Variants in ARHGEF38 observed in about 807,000 individuals in gnomAD.
ARHGEF38 encodes the protein Rho guanine nucleotide exchange factor 38.
In ARHGEF38, 79 loss-of-function variants were observed where a neutral mutation model predicts 79.9. That is an observed-to-expected ratio of 0.99 (90% CI 0.82 to 1.19). The LOEUF is 1.19. Among genes scored for constraint, ARHGEF38 ranks in the 50% most tolerant of loss-of-function variants. ARHGEF38 has a pLI of 0.00. For missense variants in ARHGEF38, 962 were observed against 907.2 expected (o/e 1.06, Z -0.78); for synonymous variants, 366 against 328.3 (o/e 1.11, Z -1.24).
chr4:105,599,411 A>G (rs2110473058), intron 2 of ARHGEF38, among the ~76,000 whole-genome samples: 1 of 152,292 alleles, frequency 6.6e-6, no homozygotes, highest in Non-Finnish European at 1.5e-5. Flanking sequence ...CCCAGAATTG[A>G]AAAACATAGA....
At chr4:105,674,608 G>A (rs1731057816) in intron 13 of ARHGEF38, among the ~76,000 whole-genome samples, 1 of 151,930 alleles carries the variant, frequency 6.6e-6, no homozygotes, top group African/African-American at 2.4e-5. Context: ...TTTAAAAGCA[G>A]CTTACTTCCA....
chr4:105,613,566 T>G, intron 3 of ARHGEF38, 59 bp downstream of exon 3: 1 of 1,583,206 alleles, frequency 6.3e-7, no homozygotes, highest in Non-Finnish European at 8.6e-7. Flanking sequence ...TTTAATAACC[T>G]CCCTTTGCTT....
At chr4:105,665,596 T>C (rs918238586) in intron 10 of ARHGEF38, among the ~76,000 whole-genome samples, 1 of 152,050 alleles carries the variant, frequency 6.6e-6, no homozygotes, top group Admixed American at 6.5e-5. Context: ...CTACCATGCC[T>C]GGCTAAGATT....
In ARHGEF38 at chr4:105,679,836, G is replaced by A; in HGVS notation, c.*1899G>A. ...AGATGGATATAGGACTCAATATCCT[G>A]AGGAGGAGAACTTTGAATCACCAGG... On this transcript the variant is annotated 3_prime_UTR_variant, in exon 14 of 14. Coordinates refer to ENST00000420470, the MANE Select transcript of ARHGEF38 (RefSeq NM_001242729.2). 1 of 1,358,928 alleles carries A rather than the reference G, an allele frequency of 7.4e-7. No individual in the cohort carries two copies. Among genetic ancestry groups the A allele is most frequent in the Non-Finnish European group, 1.0e-6 (1 of 953,050 alleles). 84.2% of individuals were successfully genotyped at this position (1,358,928 alleles called of 1,614,324 possible). A position where few individuals can be genotyped will look rare whatever the true frequency, so the allele number is the denominator to read the frequency against.
intron 2 of ARHGEF38, among the ~76,000 whole-genome samples, chr4:105,597,626 CTG>C (rs1428902593): frequency 6.6e-6 from 1 of 152,146 alleles, no homozygotes; most frequent in African/African-American, 2.4e-5. Flanking sequence ...TGAAATTGCC[CTG>C]AACTCAGTGG....
At chr4:105,669,951 G>T (rs1320192419) in intron 13 of ARHGEF38, among the ~76,000 whole-genome samples, 1 of 152,028 alleles carries the variant, frequency 6.6e-6, no homozygotes, top group Non-Finnish European at 1.5e-5. Flanking sequence ...AGTCTTTCAT[G>T]TTGTAGTATG....
intron 3 of ARHGEF38, among the ~76,000 whole-genome samples, chr4:105,619,209 G>A (rs1459033174): frequency 2.6e-5 from 4 of 151,710 alleles, no homozygotes; most frequent in African/African-American, 9.7e-5. Context: ...GACTTGCTTT[G>A]ATCAATGAAA....
At chr4:105,607,151 C>T (rs1171192323) in intron 2 of ARHGEF38, among the ~76,000 whole-genome samples, 2 of 152,048 alleles carry the variant, frequency 1.3e-5, no homozygotes, top group East Asian at 1.9e-4. Context: ...ACAGGCATGT[C>T]GCAGGTGTAA....
At chr4:105,646,838 T>A (rs1015747914) in intron 6 of ARHGEF38, among the ~76,000 whole-genome samples, 7 of 146,312 alleles carry the variant, frequency 4.8e-5, no homozygotes, top group Non-Finnish European at 1.0e-4. Context: ...GAGGGTTTTT[T>A]TTTTAAAGTA....
At chr4:105,580,406 T>A (rs1047020610) in intron 1 of ARHGEF38, among the ~76,000 whole-genome samples, 6 of 152,232 alleles carry the variant, frequency 3.9e-5, no homozygotes, top group African/African-American at 1.2e-4. Context: ...GAGATTCTGG[T>A]ATGTTGCGTC....
At chr4:105,667,941 C>A (rs1215862039) in intron 13 of ARHGEF38, among the ~76,000 whole-genome samples, 1 of 152,158 alleles carries the variant, frequency 6.6e-6, no homozygotes, top group Non-Finnish European at 1.5e-5. Flanking sequence ...ACAAAGTAGA[C>A]ACACAATAAA....
intron 3 of ARHGEF38, among the ~76,000 whole-genome samples, chr4:105,622,631 C>T (rs1271364547): frequency 6.6e-6 from 1 of 152,192 alleles, no homozygotes; most frequent in Non-Finnish European, 1.5e-5. Flanking sequence ...ATCCGTAACT[C>T]ACAAGTCCAG....
At chr4:105,557,014 T>A (rs1725283126) in intron 1 of ARHGEF38, among the ~76,000 whole-genome samples, 1 of 152,156 alleles carries the variant, frequency 6.6e-6, no homozygotes, top group South Asian at 2.1e-4. Flanking sequence ...ACAAGAGCCA[T>A]CTTAACTTCC....
chr4:105,596,725 A>G (rs1254145518), intron 2 of ARHGEF38, among the ~76,000 whole-genome samples: 6 of 152,148 alleles, frequency 3.9e-5, no homozygotes. Flanking sequence ...TACAACAGGA[A>G]CTGCAGCTTC....
intron 3 of ARHGEF38, among the ~76,000 whole-genome samples, chr4:105,629,616 C>A (rs1232244492): frequency 8.4e-6 from 1 of 118,488 alleles, no homozygotes; most frequent in African/African-American, 4.8e-5. Flanking sequence ...TGAGAGCTGA[C>A]CCTGTCACAT....
Position 105,679,901 on chromosome 4 carries a change from G to T in ARHGEF38, c.*1964G>T. 1 of 1,432,136 alleles carries T rather than the reference G, an allele frequency of 7.0e-7. No individual in the cohort carries two copies. Among genetic ancestry groups the T allele is most frequent in the Non-Finnish European group, 9.8e-7 (1 of 1,018,868 alleles). 88.7% of individuals were successfully genotyped at this position (1,432,136 alleles called of 1,614,324 possible). A position where few individuals can be genotyped will look rare whatever the true frequency, so the allele number is the denominator to read the frequency against. On this transcript the variant is annotated 3_prime_UTR_variant, in exon 14 of 14. Transcript: ENST00000420470. ...GTCCAAACCACGAGGAGCCACATTG[G>T]TTGCCACCAAAACTTTATAATTACC...
intron 1 of ARHGEF38, 142 bp from the exon 2 acceptor site, chr4:105,589,106 A>G (rs1727194595): frequency 3.2e-6 from 2 of 625,920 alleles, no homozygotes; most frequent in Non-Finnish European, 5.3e-6. Flanking sequence ...GGGAATGTCC[A>G]TATATCACTT....
intron 3 of ARHGEF38, among the ~76,000 whole-genome samples, chr4:105,615,164 T>C (rs182542131): frequency 6.9e-4 from 105 of 152,300 alleles, no homozygotes; most frequent in Admixed American, 2.0e-3. Context: ...AGGACAGATG[T>C]AAGCAAGAAA....
At chr4:105,570,540 T>C (rs983165775) in intron 1 of ARHGEF38, among the ~76,000 whole-genome samples, 3 of 152,142 alleles carry the variant, frequency 2.0e-5, no homozygotes, top group African/African-American at 7.2e-5. Flanking sequence ...AAACACATCC[T>C]TCTCATGGCA....
Sources: allele counts gnomAD v4.1 joint callset (sites outside exome capture counted in the v4.1 genomes callset), GRCh38; gene constraint gnomAD v4.1.1; transcripts MANE v1.5; gene names NCBI Gene and HGNC (gene_info 2026-07-23, HGNC 2026-07-21).